Variants in OTUD7A observed in about 807,000 individuals in gnomAD.
OTUD7A encodes OTU domain-containing protein 7A.
OTUD7A carries 12 observed loss-of-function variants against 65.7 expected under a neutral mutation model. That is an observed-to-expected ratio of 0.18 (90% confidence interval 0.12 to 0.30). The LOEUF (loss-of-function observed/expected upper bound fraction) is 0.30, where lower values mean the gene tolerates loss of function less well. OTUD7A is among the 10% of genes least tolerant of loss of function. The pLI is 1.00. For missense variants in OTUD7A, 1,148 were observed against 1,304.8 expected (o/e 0.88, Z 1.85); for synonymous variants, 641 against 586.3 (o/e 1.09, Z -1.35).
chr15:31,742,368 T>C (rs1894365893), intron 1 of OTUD7A, among the ~76,000 whole-genome samples: 1 of 152,094 alleles, frequency 6.6e-6, no homozygotes, highest in Non-Finnish European at 1.5e-5. Flanking sequence ...AACACTACAA[T>C]ATTTGCCACA....
At chr15:31,744,495 C>T (rs1454339111) in intron 1 of OTUD7A, among the ~76,000 whole-genome samples, 1 of 151,952 alleles carries the variant, frequency 6.6e-6, no homozygotes, top group Non-Finnish European at 1.5e-5. Context: ...AAAACATTTG[C>T]TAAATTTAAT....
At chr15:31,548,304 C>T (rs1310874070) in intron 5 of OTUD7A, among the ~76,000 whole-genome samples, 3 of 150,802 alleles carry the variant, frequency 2.0e-5, no homozygotes, top group Non-Finnish European at 3.0e-5. Flanking sequence ...TTGTGTAACT[C>T]GGCTGCTGGC....
intron 1 of OTUD7A, among the ~76,000 whole-genome samples, chr15:31,860,675 G>GTGTGTATATATATATGTA (rs1567059877): frequency 7.6e-5 from 1 of 13,118 alleles, no homozygotes; most frequent in East Asian, 4.4e-3. Flanking sequence ...AGATGTATGT[G>GTGTGTATATATATATGTA]TGTATATATA....
At chr15:31,646,695 G>T (rs1466529610) in intron 3 of OTUD7A, among the ~76,000 whole-genome samples, 1 of 152,006 alleles carries the variant, frequency 6.6e-6, no homozygotes, top group Non-Finnish European at 1.5e-5. Flanking sequence ...TCCTGACCTC[G>T]TGATCTGCCC....
chr15:31,669,482 G>C (rs1158275588), intron 1 of OTUD7A, among the ~76,000 whole-genome samples: 2 of 152,152 alleles, frequency 1.3e-5, no homozygotes, highest in African/African-American at 4.8e-5. Flanking sequence ...CCGAAGGGCC[G>C]GTCTTCTCCC....
chr15:31,513,700 C>T (rs1192488877), intron 8 of OTUD7A, among the ~76,000 whole-genome samples: 2 of 152,118 alleles, frequency 1.3e-5, no homozygotes, highest in Non-Finnish European at 1.5e-5. Context: ...CAGATTGTCC[C>T]ATCACTGGTG....
At chr15:31,808,098 AAC>A (rs55911531) in intron 1 of OTUD7A, among the ~76,000 whole-genome samples, 2,936 of 95,836 alleles carry the variant, frequency 0.031, 70 homozygotes, top group African/African-American at 0.079. Context: ...ACAAATGCCA[AAC>A]ACACACACAC....
At chr15:31,812,532 C>G (rs1162444768) in intron 1 of OTUD7A, among the ~76,000 whole-genome samples, 1 of 152,122 alleles carries the variant, frequency 6.6e-6, no homozygotes. Context: ...TTTCATGGGC[C>G]AGTAAAAAGA....
intron 1 of OTUD7A, among the ~76,000 whole-genome samples, chr15:31,847,897 C>T (rs1370482601): frequency 1.3e-5 from 2 of 152,104 alleles, no homozygotes; most frequent in African/African-American, 4.8e-5. Flanking sequence ...AAGGAAGTGC[C>T]ACACATTTTT....
chr15:31,544,641 T>G (rs1888078326), intron 5 of OTUD7A, among the ~76,000 whole-genome samples: 1 of 151,770 alleles, frequency 6.6e-6, no homozygotes, highest in Non-Finnish European at 1.5e-5. Flanking sequence ...TAACACAGTT[T>G]CAAAATATAT....
intron 1 of OTUD7A, among the ~76,000 whole-genome samples, chr15:31,695,037 G>A (rs1208264810): frequency 6.6e-6 from 1 of 152,082 alleles, no homozygotes; most frequent in Non-Finnish European, 1.5e-5. Context: ...AGTAGAGACG[G>A]GGTTTCACCG....
At chr15:31,754,357 G>C (rs1894750419) in intron 1 of OTUD7A, among the ~76,000 whole-genome samples, 1 of 152,130 alleles carries the variant, frequency 6.6e-6, no homozygotes, top group African/African-American at 2.4e-5. Flanking sequence ...AAGCTCTTTG[G>C]TTTAATTAAG....
At chr15:31,729,608 T>C (rs1893986400) in intron 1 of OTUD7A, among the ~76,000 whole-genome samples, 1 of 152,192 alleles carries the variant, frequency 6.6e-6, no homozygotes, top group South Asian at 2.1e-4. Context: ...GGAAATAATA[T>C]AGCTAAAATT....
intron 1 of OTUD7A, among the ~76,000 whole-genome samples, chr15:31,715,379 G>T (rs1893557765): frequency 6.9e-6 from 1 of 144,616 alleles, no homozygotes; most frequent in Non-Finnish European, 1.5e-5. Flanking sequence ...CTGTGCCCTG[G>T]GACTGACTTC....
In OTUD7A at chr15:31,776,095, C is replaced by G. The variant is rs562620252; in HGVS notation, c.-100+94412G>C. Among the ~76,000 whole-genome samples, 3 of 152,302 alleles carry G rather than the reference C, an allele frequency of 2.0e-5. No homozygotes were observed. The South Asian group carries it at 6.2e-4, about 32-fold the overall frequency. The stretch of plus-strand genomic sequence containing the variant: ...CCTGTCCACACACTGCAGAGGCGCC[C>G]CGTCATTGTGCAGGGAGAGGGGAGG... On this transcript the variant is annotated intron_variant, in intron 1 of 12. Coordinates refer to ENST00000307050, the MANE Select transcript of OTUD7A (RefSeq NM_001382637.1).
intron 4 of OTUD7A, among the ~76,000 whole-genome samples, chr15:31,562,447 G>T (rs910026434): frequency 6.6e-6 from 1 of 152,132 alleles, no homozygotes; most frequent in African/African-American, 2.4e-5. Flanking sequence ...TGGGGTAGGG[G>T]GCTGCTCCCC....
intron 3 of OTUD7A, among the ~76,000 whole-genome samples, chr15:31,648,508 C>T (rs7496082): frequency 0.31 from 46,659 of 151,970 alleles, 8,404 homozygotes; most frequent in African/African-American, 0.5. Context: ...TTCTAAATTT[C>T]TTCCTGAGGG....
chr15:31,509,396 A>G (rs1030504291), intron 8 of OTUD7A, among the ~76,000 whole-genome samples: 2 of 151,970 alleles, frequency 1.3e-5, no homozygotes, highest in African/African-American at 4.8e-5. Context: ...CTTTTGCCTC[A>G]GCCTCCCGAG....
At chr15:31,839,844 A>G (rs1897142591) in intron 1 of OTUD7A, among the ~76,000 whole-genome samples, 1 of 152,228 alleles carries the variant, frequency 6.6e-6, no homozygotes, top group Non-Finnish European at 1.5e-5. Flanking sequence ...TTCTTAAAAC[A>G]ACATTAAACA....
Sources: allele counts gnomAD v4.1 joint callset (sites outside exome capture counted in the v4.1 genomes callset), GRCh38; gene constraint gnomAD v4.1.1; transcripts MANE v1.5; gene names NCBI Gene and HGNC (gene_info 2026-07-23, HGNC 2026-07-21).